Variants in SPEF2 observed in about 807,000 individuals in gnomAD.
SPEF2 encodes sperm flagella and cilia-associated protein 2.
Under a neutral mutation model 224.6 loss-of-function variants are expected in SPEF2, and 187 were observed. The observed-to-expected ratio is 0.83, with a 90% CI of 0.74 to 0.94. The LOEUF is 0.94. SPEF2 is among the 40% of genes least tolerant of loss of function. The probability of loss-of-function intolerance (pLI) is 0.00; values close to 1 mark genes in which losing one functional copy is unlikely to be tolerated. For synonymous variants in SPEF2, 715 were observed against 707.3 expected, an observed-to-expected ratio of 1.01 and a Z score of -0.17; for missense variants, 2,170 against 2,135.6, an observed-to-expected ratio of 1.02 and a Z score of -0.32.
intron 4 of SPEF2, 72 bp from the exon 5 acceptor site, chr5:35,646,595 G>T (rs1160973037): frequency 5.7e-6 from 8 of 1,411,674 alleles, no homozygotes; most frequent in East Asian, 4.7e-5. Flanking sequence ...TTATATATTT[G>T]TACCTATGAG....
chr5:35,720,650 T>G (rs1273215846), intron 20 of SPEF2, among the ~76,000 whole-genome samples: 4 of 152,222 alleles, frequency 2.6e-5, no homozygotes, highest in Admixed American at 2.0e-4. Context: ...ACAACCTTAA[T>G]TATGATTGAT....
chr5:35,789,147 C>G (rs1192634225), intron 30 of SPEF2: 2 of 702,804 alleles, frequency 2.8e-6, no homozygotes, highest in Admixed American at 2.0e-5. Context: ...TGTTCCCAAC[C>G]TGTGTTACAG....
At chr5:35,686,589 A>G (rs1427225330) in intron 10 of SPEF2, among the ~76,000 whole-genome samples, 1 of 152,128 alleles carries the variant, frequency 6.6e-6, no homozygotes, top group African/African-American at 2.4e-5. Flanking sequence ...GACACTTTAG[A>G]AAACACAATA....
In SPEF2 at chr5:35,704,439, A is replaced by ACACTG. The variant is rs1739335214; in HGVS notation, c.2399-114_2399-110dup. 9.8e-6 allele frequency: 6 copies of ACACTG among 611,664 alleles called. No individual in the cohort carries two copies. In the Admixed American group the frequency reaches 1.5e-4, roughly 16 times the overall value. 37.9% of individuals were successfully genotyped at this position (611,664 alleles called of 1,614,324 possible). Reference sequence around the variant, plus strand: ...ACATCTTTTAAAATATTTTTAAGTAACACTGGACCAAATACAGGACCGTAT... The same window carrying ACACTG: ...ACATCTTTTAAAATATTTTTAAGTAACACTGCACTGGACCAAATACAGGACCGTAT... On this transcript the variant is annotated intron_variant, in intron 16 of 36. Coordinates refer to ENST00000356031, the MANE Select transcript of SPEF2 (RefSeq NM_024867.4).
chr5:35,696,510 T>A (rs1377456977), intron 14 of SPEF2, among the ~76,000 whole-genome samples: 1 of 152,208 alleles, frequency 6.6e-6, no homozygotes, highest in Admixed American at 6.5e-5. Context: ...GCAGAAAGTA[T>A]GTTTTATATT....
chr5:35,663,515 C>G lies in SPEF2; in HGVS notation c.1168-3557C>G, dbSNP rs536604802. 1.6e-3 allele frequency among the ~76,000 whole-genome samples: 246 copies of G among 152,090 alleles called. 1 individual carries two copies. The highest frequency in any genetic ancestry group is 2.6e-3 in the Non-Finnish European group (176 of 68,030). ...CAGGGCCCACCTGAAAGCTGCTTCACCCTTATTCTTCCATACCCAAAATAT... is the reference window on the plus strand; with the variant it reads ...CAGGGCCCACCTGAAAGCTGCTTCAGCCTTATTCTTCCATACCCAAAATAT... On this transcript the variant is annotated intron_variant, in intron 8 of 36. Coordinates refer to ENST00000356031, the MANE Select transcript of SPEF2 (RefSeq NM_024867.4).
At chr5:35,741,177 G>A (rs952786191) in intron 23 of SPEF2, among the ~76,000 whole-genome samples, 2 of 152,116 alleles carry the variant, frequency 1.3e-5, no homozygotes, top group Admixed American at 6.6e-5. Context: ...AAACAAATAA[G>A]CATATAGTGA....
At position 35,800,052 on chromosome 5, in the gene SPEF2, C is replaced by A; in HGVS notation, c.4915C>A (p.Pro1639Thr). 2 of 1,614,102 alleles carry A rather than the reference C, an allele frequency of 1.2e-6. No individual in the cohort carries two copies. The highest frequency in any genetic ancestry group is 1.7e-6 in the Non-Finnish European group (2 of 1,180,012). ...GATGCTGCTTTACTTTGCTTGCCAC[C>A]CAGACACCGTGGAAGGAGTCTACAG... ...TQMLLYFACHPDTVEGVYRAL... is the reference protein window; with the variant it reads ...TQMLLYFACHTDTVEGVYRAL... Residue 1639 changes from proline to threonine, a missense_variant, in exon 34 of 37, where the codon CCA becomes ACA. By Grantham distance (38) the Pro-to-Thr change is conservative. Transcript: ENST00000356031.
In SPEF2 at chr5:35,759,580, C is replaced by T. The variant is rs927487455; in HGVS notation, c.3481C>T (p.Arg1161Cys). Reference protein sequence around the residue: ...FFSLMQAELNRFQDTKRLLQD... With the variant: ...FFSLMQAELNCFQDTKRLLQD... ...TTTGCTATTAAAGGCAGAGCTGAAC[C>T]GTTTCCAAGATACAAAGAGACTCCT... Residue 1161 changes from arginine to cysteine, a missense_variant, in exon 25 of 37, where the codon CGT becomes TGT. By Grantham distance (180) the Arg-to-Cys change is radical. Transcript: ENST00000356031. 4.4e-6 allele frequency: 7 copies of T among 1,590,812 alleles called. No individual in the cohort carries two copies. The highest frequency in any genetic ancestry group is 2.7e-5 in the African/African-American group (2 of 74,600).
rs746053754 is a variant in SPEF2 at position 35,799,973 on chromosome 5, C to A, written c.4836C>A (p.Phe1612Leu). Reference protein sequence around the residue: ...FNRQEHLIEFFFRLFADYEKD... With the variant: ...FNRQEHLIEFLFRLFADYEKD... ...GGAATTCTTTTTGTGTGCAGTTTTT[C>A]TTTAGGCTATTTGCTGACTATGAGA... Residue 1612 changes from phenylalanine to leucine, a missense_variant, in exon 34 of 37, where the codon TTC becomes TTA. Phe to Leu is a conservative substitution (Grantham distance 22, BLOSUM62 0). Transcript: ENST00000356031. 1 of 1,613,628 alleles carries A rather than the reference C, an allele frequency of 6.2e-7. No individual in the cohort carries two copies. The highest frequency in any genetic ancestry group is 1.1e-5 in the South Asian group (1 of 90,990).
intron 13 of SPEF2, 26 bp from the exon 14 acceptor site, chr5:35,695,709 G>A: frequency 3.1e-6 from 5 of 1,594,722 alleles, no homozygotes; most frequent in Non-Finnish European, 3.4e-6. Flanking sequence ...CCAGAAATTT[G>A]TTCTTACCAC....
chr5:35,669,068 T>G (rs1040341799), intron 9 of SPEF2, among the ~76,000 whole-genome samples: 12 of 152,002 alleles, frequency 7.9e-5, no homozygotes, highest in Non-Finnish European at 1.8e-4. Context: ...AAATAATAAC[T>G]CCTCATCCCC....
At position 35,759,666 on chromosome 5, in the gene SPEF2, T is replaced by C. The variant is rs769546726; in HGVS notation, c.3567T>C (p.Thr1189=). The C allele has an allele frequency of 3.7e-6, 6 of 1,609,960 alleles. No individual in the cohort carries two copies. The highest frequency in any genetic ancestry group is 5.1e-6 in the Non-Finnish European group (6 of 1,177,346). ...KIPVEDNKRF[T]RIPLVQLDSK... ...CAGTAGAGGACAACAAGAGATTTAC[T>C]CGAATCCCTTTGGTCCAACTGGATA... Residue 1189 remains threonine, a synonymous_variant, in exon 25 of 37, where the codon ACT becomes ACC. Transcript: ENST00000356031.
At chr5:35,774,676 G>A (rs538625074) in intron 28 of SPEF2, among the ~76,000 whole-genome samples, 4 of 152,170 alleles carry the variant, frequency 2.6e-5, no homozygotes, top group East Asian at 1.9e-4. Flanking sequence ...AAAAAAACAC[G>A]GTCAATATAC....
At chr5:35,708,707 C>A in intron 18 of SPEF2, among the ~76,000 whole-genome samples, 1 of 68 alleles carries the variant, frequency 0.015, no homozygotes, top group Non-Finnish European at 0.042. Context: ...ATCACCACCA[C>A]TACCCATCAA....
intron 8 of SPEF2, among the ~76,000 whole-genome samples, chr5:35,664,199 T>C (rs1750114399): frequency 6.6e-6 from 1 of 151,818 alleles, no homozygotes; most frequent in African/African-American, 2.4e-5. Flanking sequence ...TTTGTGTGGC[T>C]TTTTGACTGT....
chr5:35,697,451 T>C (rs571998636), intron 14 of SPEF2, among the ~76,000 whole-genome samples: 1 of 152,218 alleles, frequency 6.6e-6, no homozygotes, highest in East Asian at 1.9e-4. Context: ...GAATTAAGTT[T>C]GGGGATGCAA....
intron 9 of SPEF2, 37 bp downstream of exon 9, chr5:35,667,296 T>C: frequency 2.0e-6 from 3 of 1,502,506 alleles, no homozygotes; most frequent in Non-Finnish European, 2.7e-6. Context: ...AGAGACACGA[T>C]AGAGAATGAG....
intron 6 of SPEF2, among the ~76,000 whole-genome samples, chr5:35,651,685 A>C (rs890758144): frequency 6.6e-6 from 1 of 152,104 alleles, no homozygotes; most frequent in Non-Finnish European, 1.5e-5. Context: ...ACATTGAAAA[A>C]CTTCACACTA....
Sources: gnomAD v4.1 joint callset for allele counts (sites outside exome capture counted in the v4.1 genomes callset) on GRCh38, gnomAD v4.1.1 for gene constraint, MANE v1.5 for transcripts, NCBI Gene and HGNC (gene_info 2026-07-23, HGNC 2026-07-21) for gene names.